HSDL2: variants seen among roughly 807,000 people sequenced by gnomAD.
HSDL2 encodes hydroxysteroid dehydrogenase-like protein 2.
In HSDL2, 27 loss-of-function variants were observed where a neutral mutation model predicts 46.3. That is an observed-to-expected ratio of 0.58 (90% CI 0.43 to 0.80). The LOEUF is 0.80. HSDL2 is among the 30% of genes least tolerant of loss of function. HSDL2 has a pLI of 0.00. For missense variants in HSDL2, 451 were observed against 502.7 expected (o/e 0.90, Z 0.98); for synonymous variants, 153 against 163.6 (o/e 0.94, Z 0.50).
intron 6 of HSDL2, among the ~76,000 whole-genome samples, chr9:112,424,505 C>T (rs1294773019): frequency 2.0e-5 from 3 of 151,856 alleles, no homozygotes; most frequent in Admixed American, 2.0e-4. Flanking sequence ...ATTCTTACAT[C>T]CTTGGTTTCC....
chr9:112,466,432 A>G (rs1564137263), intron 10 of HSDL2, among the ~76,000 whole-genome samples: 1 of 152,042 alleles, frequency 6.6e-6, no homozygotes. Flanking sequence ...AGGTGCATGT[A>G]ATCCTATCTA....
At chr9:112,419,764 T>C (rs974304468) in intron 6 of HSDL2, among the ~76,000 whole-genome samples, 1 of 152,218 alleles carries the variant, frequency 6.6e-6, no homozygotes, top group African/African-American at 2.4e-5. Context: ...CCCTGTGAGA[T>C]GACAGAAGAA....
chr9:112,463,653 T>A (rs576852772), intron 10 of HSDL2, among the ~76,000 whole-genome samples: 24 of 146,754 alleles, frequency 1.6e-4, no homozygotes, highest in Middle Eastern at 3.4e-3. Flanking sequence ...TGGTATCTCA[T>A]ATGTTTATTT....
At chr9:112,394,979 T>C (rs1428168101) in intron 1 of HSDL2, among the ~76,000 whole-genome samples, 2 of 152,072 alleles carry the variant, frequency 1.3e-5, no homozygotes, top group East Asian at 1.9e-4. Flanking sequence ...ATGTAGCAGG[T>C]AAATCAGTTT....
At chr9:112,426,163 T>C (rs1427601221) in intron 6 of HSDL2, among the ~76,000 whole-genome samples, 1 of 152,018 alleles carries the variant, frequency 6.6e-6, no homozygotes, top group Admixed American at 6.6e-5. Context: ...GCCTCTGTAG[T>C]CCGTGGGCTG....
chr9:112,413,495 G>A (rs1379247441), intron 4 of HSDL2, among the ~76,000 whole-genome samples: 3 of 119,960 alleles, frequency 2.5e-5, no homozygotes, highest in South Asian at 2.9e-4. Context: ...CAAAAAAAAA[G>A]AAAAAAAAGA....
At chr9:112,449,734 G>A (rs1043750522) in intron 8 of HSDL2, among the ~76,000 whole-genome samples, 1 of 151,708 alleles carries the variant, frequency 6.6e-6, no homozygotes, top group Admixed American at 6.6e-5. Context: ...GTGTGGTGGT[G>A]CACATCTGTA....
intron 10 of HSDL2, chr9:112,469,922 T>C (rs1171691235): frequency 6.6e-6 from 1 of 152,368 alleles, no homozygotes; most frequent in African/African-American, 2.4e-5. Context: ...ACAATTCTAT[T>C]TTAATGCTTA....
chr9:112,406,181 G>A lies in HSDL2; in HGVS notation c.280+459G>A, dbSNP rs866367090. On this transcript the variant is annotated intron_variant, in intron 3 of 10. Transcript: ENST00000398805. Reference sequence around the variant, plus strand: ...GTCTCAAAAAGAAAAAAAAAAAAAAGAAAAAGAGTGTGGAATGATAGACTG... The same window carrying A: ...GTCTCAAAAAGAAAAAAAAAAAAAAAAAAAAGAGTGTGGAATGATAGACTG... Among the ~76,000 whole-genome samples, 1,374 of 148,526 alleles carry A rather than the reference G, an allele frequency of 9.3e-3. 24 individuals are homozygous for A. Among genetic ancestry groups the A allele is most frequent in the African/African-American group, 0.032 (1,301 of 40,668 alleles).
At chr9:112,431,737 T>G (rs1832408174) in intron 6 of HSDL2, among the ~76,000 whole-genome samples, 1 of 152,122 alleles carries the variant, frequency 6.6e-6, no homozygotes, top group South Asian at 2.1e-4. Context: ...TGCTCCCTCT[T>G]CACCTTCCAC....
chr9:112,459,424 G>T (rs1316591158), intron 9 of HSDL2, 25 bp from the exon 10 acceptor site: 2 of 1,610,098 alleles, frequency 1.2e-6, no homozygotes, highest in Non-Finnish European at 1.7e-6. Context: ...CTATGACATT[G>T]ATTTCTATAT....
Position 112,470,690 on chromosome 9 carries a change from C to T in HSDL2, c.*146C>T. ...AAAGATAGAATTTGTCTCTAAAAGACTTGAAATTGTAATTAAAATGGCAAG... is the reference window on the plus strand; with the variant it reads ...AAAGATAGAATTTGTCTCTAAAAGATTTGAAATTGTAATTAAAATGGCAAG... On this transcript the variant is annotated 3_prime_UTR_variant, in exon 11 of 11. Coordinates refer to ENST00000398805, the MANE Select transcript of HSDL2 (RefSeq NM_032303.5). 2 of 518,974 alleles carry T rather than the reference C, an allele frequency of 3.9e-6. No homozygotes were observed. Among genetic ancestry groups the T allele is most frequent in the South Asian group, 5.5e-5 (2 of 36,088 alleles). The allele number at this position is 518,974 out of a possible 1,614,324, so 32.1% of individuals were successfully genotyped here. A position where few individuals can be genotyped will look rare whatever the true frequency, so the allele number is the denominator to read the frequency against.
At chr9:112,381,233 A>G (rs10759556) in intron 1 of HSDL2, among the ~76,000 whole-genome samples, 86,269 of 151,938 alleles carry the variant, frequency 0.57, 25,383 homozygotes, top group Non-Finnish European at 0.64. Flanking sequence ...CATGTTGCCC[A>G]GACTGGCCTG....
chr9:112,408,734 A>G (rs1394054764), intron 3 of HSDL2, among the ~76,000 whole-genome samples, 173 bp from the exon 4 acceptor site: 1 of 152,202 alleles, frequency 6.6e-6, no homozygotes, highest in Non-Finnish European at 1.5e-5. Flanking sequence ...ATAAAAAAAC[A>G]GTATTGTAAT....
At chr9:112,440,134 T>C (rs1443792490) in intron 7 of HSDL2, among the ~76,000 whole-genome samples, 1 of 152,218 alleles carries the variant, frequency 6.6e-6, no homozygotes, top group Non-Finnish European at 1.5e-5. Flanking sequence ...CCCAGGAATA[T>C]AATTATTACC....
intron 7 of HSDL2, among the ~76,000 whole-genome samples, chr9:112,439,191 T>A (rs1462778482): frequency 6.6e-6 from 1 of 152,152 alleles, no homozygotes; most frequent in Non-Finnish European, 1.5e-5. Context: ...AGATGTGGGG[T>A]TTCACCATGT....
intron 6 of HSDL2, chr9:112,433,692 C>T (rs1373927691): frequency 6.6e-6 from 1 of 152,140 alleles, no homozygotes; most frequent in Non-Finnish European, 1.5e-5. Context: ...TGTTCAGGCT[C>T]TTGGCTGTTT....
intron 6 of HSDL2, chr9:112,433,816 C>T (rs926695509): frequency 6.6e-6 from 1 of 152,164 alleles, no homozygotes; most frequent in Non-Finnish European, 1.5e-5. Context: ...TATTGCCTTT[C>T]AAGAAAAAGG....
In HSDL2 at chr9:112,438,556, T is replaced by G; in HGVS notation, c.724T>G (p.Phe242Val). The G allele has an allele frequency of 1.9e-6, 3 of 1,612,222 alleles. No individual in the cohort carries two copies. In the South Asian group the frequency reaches 3.3e-5, roughly 18 times the overall value. ...FQKPKSFTGN[F>V]VIDENILKEE... ...AAAGCCAAAAAGTTTTACTGGCAAC[T>G]TTGTCATTGATGAAAATATCTTAAA... Residue 242 changes from phenylalanine to valine, a missense_variant, in exon 7 of 11, where the codon TTT (phenylalanine) becomes GTT (valine). Transcript: ENST00000398805.
Sources: allele counts gnomAD v4.1 joint callset (sites outside exome capture counted in the v4.1 genomes callset), GRCh38; gene constraint gnomAD v4.1.1; transcripts MANE v1.5; gene names NCBI Gene and HGNC (gene_info 2026-07-23, HGNC 2026-07-21).